The following PIK3C2G variants were observed in gnomAD, a reference collection of about 807,000 sequenced individuals.
PIK3C2G encodes the protein phosphatidylinositol 3-kinase C2 domain-containing subunit gamma.
Under a neutral mutation model 181.1 loss-of-function variants are expected in PIK3C2G, and 168 were observed. That is an observed-to-expected ratio of 0.93 (90% CI 0.82 to 1.05). The LOEUF is 1.05. Ranked by LOEUF, PIK3C2G falls within the 50% of genes least tolerant of loss-of-function variation. The pLI, the probability that PIK3C2G is intolerant of heterozygous loss-of-function variation, is 0.00. For missense variants in PIK3C2G, 1,869 were observed against 1,732.8 expected (o/e 1.08, Z -1.40); for synonymous variants, 573 against 592.2 (o/e 0.97, Z 0.47).
At chr12:18,445,656 T>TA (rs759493981) in intron 18 of PIK3C2G, among the ~76,000 whole-genome samples, 189 of 151,858 alleles carry the variant, frequency 1.2e-3, no homozygotes, top group Non-Finnish European at 1.9e-3. Flanking sequence ...GTTTTGGTGG[T>TA]AAAAAAAATG....
At chr12:18,447,705 C>T (rs1449618449) in intron 18 of PIK3C2G, among the ~76,000 whole-genome samples, 2 of 151,984 alleles carry the variant, frequency 1.3e-5, no homozygotes, top group East Asian at 1.9e-4. Flanking sequence ...AATCTTTTAT[C>T]GTGTACTTTT....
At chr12:18,333,938 C>T (rs1457002113) in intron 8 of PIK3C2G, among the ~76,000 whole-genome samples, 1 of 152,024 alleles carries the variant, frequency 6.6e-6, no homozygotes, top group Non-Finnish European at 1.5e-5. Context: ...GTTTGGTTTT[C>T]CAGAAAGATG....
chr12:18,560,728 A>G (rs1158006436), intron 26 of PIK3C2G, among the ~76,000 whole-genome samples: 1 of 152,126 alleles, frequency 6.6e-6, no homozygotes, highest in Admixed American at 6.5e-5. Context: ...TATTTTAACA[A>G]ATACTAAGAC....
At chr12:18,266,242 G>A (rs996471741) in intron 1 of PIK3C2G, among the ~76,000 whole-genome samples, 2 of 151,578 alleles carry the variant, frequency 1.3e-5, no homozygotes, top group Admixed American at 6.6e-5. Flanking sequence ...TGGAAAATAC[G>A]GATGGTATTT....
At chr12:18,612,431 G>T (rs2136614940) in intron 31 of PIK3C2G, among the ~76,000 whole-genome samples, 1 of 152,096 alleles carries the variant, frequency 6.6e-6, no homozygotes, top group Admixed American at 6.6e-5. Context: ...ATAGAATAGG[G>T]CCAAGTATAT....
chr12:18,686,105 T>A, the PIK3C2G span, among the ~76,000 whole-genome samples: 5 of 152,172 alleles, frequency 3.3e-5, no homozygotes, highest in Admixed American at 3.3e-4. Flanking sequence ...CGTTGACTTC[T>A]GCGCAGTGTT....
chr12:18,291,527 T>C (rs1171909054), intron 4 of PIK3C2G, among the ~76,000 whole-genome samples: 3 of 152,192 alleles, frequency 2.0e-5, no homozygotes, highest in East Asian at 3.9e-4. Context: ...CAGGAATTTA[T>C]ATTTTATCAA....
At chr12:18,407,333 A>G (rs1486004323) in intron 16 of PIK3C2G, among the ~76,000 whole-genome samples, 3 of 152,192 alleles carry the variant, frequency 2.0e-5, no homozygotes, top group African/African-American at 7.2e-5. Flanking sequence ...ATTGAAGGAC[A>G]TAATTTACAA....
intron 25 of PIK3C2G, among the ~76,000 whole-genome samples, chr12:18,545,740 T>C (rs1266461645): frequency 1.3e-5 from 2 of 151,912 alleles, no homozygotes; most frequent in Admixed American, 6.6e-5. Context: ...GTGAGAATCA[T>C]GGAGTCATAA....
At chr12:18,304,870 T>G (rs1407834945) in intron 5 of PIK3C2G, among the ~76,000 whole-genome samples, 1 of 152,202 alleles carries the variant, frequency 6.6e-6, no homozygotes, top group African/African-American at 2.4e-5. Context: ...AGACTTACTT[T>G]GAGCAAAGAA....
chr12:18,595,871 C>A (rs780894249), intron 30 of PIK3C2G, among the ~76,000 whole-genome samples: 1 of 152,136 alleles, frequency 6.6e-6, no homozygotes, highest in Non-Finnish European at 1.5e-5. Context: ...CATCAAAACT[C>A]TCATCATGGG....
At chr12:18,286,168 A>T (rs1198887524) in intron 2 of PIK3C2G, among the ~76,000 whole-genome samples, 1 of 152,068 alleles carries the variant, frequency 6.6e-6, no homozygotes, top group Non-Finnish European at 1.5e-5. Flanking sequence ...TTTAAAACGC[A>T]TAAGGCAAAA....
At chr12:18,257,995 T>C (rs902942979), upstream of PIK3C2G, among the ~76,000 whole-genome samples, 13 of 152,174 alleles carry the variant, frequency 8.5e-5, no homozygotes, top group African/African-American at 2.9e-4. Flanking sequence ...TGCAAAGGCA[T>C]ATGGGAAGTG....
chr12:18,404,085 AT>A (rs1373411263), intron 16 of PIK3C2G, among the ~76,000 whole-genome samples: 2 of 125,084 alleles, frequency 1.6e-5, no homozygotes, highest in African/African-American at 5.8e-5. Context: ...GAAAAGCAAT[AT>A]TTAACAGAAC....
chr12:18,449,750 C>T (rs1947246574), intron 18 of PIK3C2G, among the ~76,000 whole-genome samples: 3 of 152,106 alleles, frequency 2.0e-5, no homozygotes, highest in African/African-American at 7.2e-5. Flanking sequence ...ATAAATAGTG[C>T]TGCAATAAAT....
intron 16 of PIK3C2G, among the ~76,000 whole-genome samples, chr12:18,414,478 C>CA (rs912259426): frequency 1.3e-5 from 2 of 151,904 alleles, no homozygotes; most frequent in East Asian, 1.9e-4. Context: ...CATTATACTA[C>CA]AAAAAATGGC....
intron 1 of PIK3C2G, chr12:18,248,098 A>C (rs2136939674): frequency 6.6e-6 from 1 of 152,272 alleles, no homozygotes. Flanking sequence ...ACAGGGAGAA[A>C]GAAAAACCAA....
rs116281876 is a variant in PIK3C2G, at chr12:18,550,900, C to T, written c.3590+4468C>T. ...CACTAAAGGGCTGCCCCTCTTGACCCTATTTGAGACTTGAAAGAAATAAAC... is the reference window on the plus strand; with the variant it reads ...CACTAAAGGGCTGCCCCTCTTGACCTTATTTGAGACTTGAAAGAAATAAAC... On this transcript the variant is annotated intron_variant, in intron 26 of 32. Coordinates refer to ENST00000538779, the MANE Select transcript of PIK3C2G (RefSeq NM_001288772.2). Among the ~76,000 whole-genome samples the T allele has an allele frequency of 7.8e-3, 1,184 of 152,100 alleles. 13 individuals carry two copies. Among genetic ancestry groups the T allele is most frequent in the African/African-American group, 0.027 (1,123 of 41,508 alleles).
intron 13 of PIK3C2G, among the ~76,000 whole-genome samples, chr12:18,378,575 C>G (rs931897271): frequency 1.3e-5 from 2 of 152,144 alleles, no homozygotes; most frequent in Admixed American, 6.5e-5. Context: ...TCAGAGTGAA[C>G]AGGCAACCTA....
Sources: allele counts gnomAD v4.1 joint callset (sites outside exome capture counted in the v4.1 genomes callset), GRCh38; gene constraint gnomAD v4.1.1; transcripts MANE v1.5; gene names NCBI Gene and HGNC (gene_info 2026-07-23, HGNC 2026-07-21).